ARMH3: variants seen among roughly 807,000 people sequenced by gnomAD.
ARMH3 encodes armadillo-like helical domain-containing protein 3.
A neutral mutation model predicts 99.1 loss-of-function variants in ARMH3; 60 were observed. That is an observed-to-expected ratio of 0.61 (90% CI 0.49 to 0.75). The LOEUF is 0.75. ARMH3 is among the 30% of genes least tolerant of loss of function. The pLI, the probability that ARMH3 is intolerant of heterozygous loss-of-function variation, is 0.00. For missense variants in ARMH3, 679 were observed against 843.1 expected (o/e 0.81, Z 2.41); for synonymous variants, 285 against 292.8 (o/e 0.97, Z 0.27).
chr10:102,008,483 C>T (rs2066553806), intron 13 of ARMH3, among the ~76,000 whole-genome samples: 1 of 152,052 alleles, frequency 6.6e-6, no homozygotes, highest in Non-Finnish European at 1.5e-5. Context: ...AGGCATGTGA[C>T]CCATCGCTCA....
chr10:101,879,010 A>T (rs1198246687), intron 24 of ARMH3, among the ~76,000 whole-genome samples: 3 of 152,198 alleles, frequency 2.0e-5, no homozygotes, highest in Non-Finnish European at 4.4e-5. Context: ...TGGCAGGCAC[A>T]GTCCCCAGAC....
intron 24 of ARMH3, among the ~76,000 whole-genome samples, chr10:101,871,413 G>A (rs1326890643): frequency 6.6e-6 from 1 of 152,158 alleles, no homozygotes; most frequent in Non-Finnish European, 1.5e-5. Flanking sequence ...CTGATTTCAA[G>A]ATTTATTATA....
At chr10:101,868,233 T>C (rs898973636) in intron 24 of ARMH3, among the ~76,000 whole-genome samples, 16 of 151,984 alleles carry the variant, frequency 1.1e-4, no homozygotes, top group African/African-American at 3.4e-4. Flanking sequence ...TGCCAGACAA[T>C]AGGAAGAAGA....
chr10:101,944,271 TATAGAGAGAG>T (rs1286897540), intron 22 of ARMH3, among the ~76,000 whole-genome samples: 6 of 40,030 alleles, frequency 1.5e-4, no homozygotes, highest in Non-Finnish European at 2.5e-4. Context: ...TATATATATA[TATAGAGAGAG>T]AGAGAGAGAG....
chr10:102,052,151 T>C (rs1168262875), intron 1 of ARMH3, among the ~76,000 whole-genome samples: 2 of 152,100 alleles, frequency 1.3e-5, no homozygotes, highest in African/African-American at 4.8e-5. Flanking sequence ...TGCTCAATTA[T>C]ACAAGCCTCA....
chr10:102,036,344 TC>T (rs1333112387), intron 2 of ARMH3, among the ~76,000 whole-genome samples: 1 of 151,862 alleles, frequency 6.6e-6, no homozygotes, highest in African/African-American at 2.4e-5. Context: ...GAGGAGCCCC[TC>T]TGCCCGGCCA....
At chr10:102,010,101 A>G in intron 11 of ARMH3, 78 bp from the exon 12 acceptor site, 3 of 1,398,202 alleles carry the variant, frequency 2.1e-6, no homozygotes, top group East Asian at 2.3e-5. Context: ...GCCTTTTATC[A>G]GTGAAGAAAA....
At chr10:101,963,505 A>T (rs1845399341) in intron 20 of ARMH3, among the ~76,000 whole-genome samples, 1 of 152,122 alleles carries the variant, frequency 6.6e-6, no homozygotes, top group African/African-American at 2.4e-5. Context: ...TCTTGACCTC[A>T]GGTGATCCAC....
chr10:101,937,929 G>T (rs1476960220), intron 23 of ARMH3, among the ~76,000 whole-genome samples: 3 of 152,092 alleles, frequency 2.0e-5, no homozygotes, highest in Non-Finnish European at 2.9e-5. Context: ...CATGATCTTG[G>T]CTCACTGTAG....
chr10:101,957,736 T>TTA lies in ARMH3; in HGVS notation c.1496-5_1496-4insTA. On this transcript the variant is annotated splice_region_variant and splice_polypyrimidine_tract_variant and intron_variant, in intron 20 of 25. Coordinates refer to ENST00000370033, the MANE Select transcript of ARMH3 (RefSeq NM_024541.3). ...AACTTCAGCAAATTTATCAAGGCTTTAAAAAAAAAAAAAAAGACATCAACA... is the reference window on the plus strand; with the variant it reads ...AACTTCAGCAAATTTATCAAGGCTTTTAAAAAAAAAAAAAAAAGACATCAACA... 1.4e-6 allele frequency: 2 copies of TTA among 1,431,428 alleles called. No individual in the cohort carries two copies. The highest frequency in any genetic ancestry group is 1.9e-6 in the Non-Finnish European group (2 of 1,079,646). The allele number at this position is 1,431,428 out of a possible 1,614,324, so 88.7% of individuals were successfully genotyped here.
intron 24 of ARMH3, among the ~76,000 whole-genome samples, 164 bp from the exon 25 acceptor site, chr10:101,850,056 G>A (rs2066553796): frequency 6.7e-6 from 1 of 149,716 alleles, no homozygotes; most frequent in Non-Finnish European, 1.5e-5. Context: ...AGGGAGCGAT[G>A]CCTCAGGTTT....
intron 23 of ARMH3, among the ~76,000 whole-genome samples, chr10:101,935,958 AGT>A (rs1330485721): frequency 1.3e-5 from 2 of 152,226 alleles, no homozygotes; most frequent in Non-Finnish European, 2.9e-5. Flanking sequence ...CACAGAAAGT[AGT>A]GTCATGGGTA....
intron 15 of ARMH3, among the ~76,000 whole-genome samples, chr10:101,997,324 T>C (rs1479059422): frequency 6.6e-6 from 1 of 151,752 alleles, no homozygotes; most frequent in Non-Finnish European, 1.5e-5. Flanking sequence ...CCACGCGTGG[T>C]GGCTCATGCC....
chr10:101,880,049 A>G (rs1477440909), intron 24 of ARMH3, among the ~76,000 whole-genome samples: 1 of 152,248 alleles, frequency 6.6e-6, no homozygotes, highest in Non-Finnish European at 1.5e-5. Context: ...AAGGCAACAA[A>G]GAAGGCAGGG....
chr10:102,029,912 G>GT (rs374252131), intron 4 of ARMH3, among the ~76,000 whole-genome samples, 167 bp from the exon 5 acceptor site: 471 of 148,404 alleles, frequency 3.2e-3, no homozygotes, highest in African/African-American at 9.1e-3. Flanking sequence ...GTTTGGTTCG[G>GT]TTTTTTTGTT....
chr10:101,860,247 G>A (rs1449302558), intron 24 of ARMH3, among the ~76,000 whole-genome samples: 14 of 150,102 alleles, frequency 9.3e-5, no homozygotes, highest in Admixed American at 8.6e-4. Flanking sequence ...GATATATATA[G>A]ATATAGATAT....
chr10:101,995,908 A>C (rs1847033817), intron 15 of ARMH3, among the ~76,000 whole-genome samples: 1 of 152,224 alleles, frequency 6.6e-6, no homozygotes, highest in Admixed American at 6.5e-5. Context: ...TTCCTGTCAA[A>C]GTTACTCATT....
intron 24 of ARMH3, among the ~76,000 whole-genome samples, chr10:101,861,050 C>G (rs1212849342): frequency 6.6e-6 from 1 of 151,710 alleles, no homozygotes; most frequent in Non-Finnish European, 1.5e-5. Context: ...AGAAATAGAC[C>G]CAGAAATGAG....
intron 2 of ARMH3, among the ~76,000 whole-genome samples, 172 bp downstream of exon 2, chr10:102,039,841 G>GATTATAAT (rs1564877074): frequency 6.6e-6 from 1 of 152,128 alleles, no homozygotes; most frequent in African/African-American, 2.4e-5. Context: ...ATTAATACAT[G>GATTATAAT]ATTATAATCT....
Sources: gnomAD v4.1 joint callset for allele counts (sites outside exome capture counted in the v4.1 genomes callset) on GRCh38, gnomAD v4.1.1 for gene constraint, MANE v1.5 for transcripts, NCBI Gene and HGNC (gene_info 2026-07-23, HGNC 2026-07-21) for gene names.